The following CACNA1E variants were observed in gnomAD, a reference collection of about 807,000 sequenced individuals.
CACNA1E encodes the protein calcium voltage-gated channel subunit alpha1 E.
CACNA1E carries 40 observed loss-of-function variants against 259.2 expected under a neutral mutation model. The ratio of observed to expected loss-of-function variants is 0.15; its 90% CI spans 0.12 to 0.20. The LOEUF is 0.20. Ranked by LOEUF, CACNA1E falls within the 10% of genes least tolerant of loss-of-function variation. The pLI is 1.00. For missense variants in CACNA1E, 1,874 were observed against 3,040.1 expected (o/e 0.62, Z 9.02); for synonymous variants, 1,104 against 1,138.5 (o/e 0.97, Z 0.61).
intron 3 of CACNA1E, among the ~76,000 whole-genome samples, chr1:181,546,201 G>T (rs150293510): frequency 1.3e-5 from 2 of 152,150 alleles, no homozygotes; most frequent in African/African-American, 4.8e-5. Context: ...GCCTGGCAGC[G>T]TGTGCCATCC....
At chr1:181,705,221 G>T (rs980670256) in intron 7 of CACNA1E, among the ~76,000 whole-genome samples, 2 of 152,160 alleles carry the variant, frequency 1.3e-5, no homozygotes, top group Non-Finnish European at 2.9e-5. Flanking sequence ...AGAAGTCTCT[G>T]TCTTCTCTCC....
chr1:181,719,295 G>A (rs1478558202), intron 12 of CACNA1E, among the ~76,000 whole-genome samples: 3 of 152,166 alleles, frequency 2.0e-5, no homozygotes, highest in Non-Finnish European at 4.4e-5. Flanking sequence ...TCACATTGCG[G>A]GATGCAAGAC....
chr1:181,407,741 C>T (rs879891385), intron 1 of CACNA1E, among the ~76,000 whole-genome samples: 6 of 152,186 alleles, frequency 3.9e-5, no homozygotes, highest in Non-Finnish European at 7.3e-5. Flanking sequence ...AATGTTTCCT[C>T]TCAGAGTAGG....
At chr1:181,439,978 G>GTGGA (rs1571878516) in intron 2 of CACNA1E, among the ~76,000 whole-genome samples, 1 of 152,090 alleles carries the variant, frequency 6.6e-6, no homozygotes, top group East Asian at 1.9e-4. Flanking sequence ...AACAGAGCGT[G>GTGGA]GTATGTGGAG....
At chr1:181,480,642 T>A (rs2102450819), upstream of CACNA1E, among the ~76,000 whole-genome samples, 1 of 152,294 alleles carries the variant, frequency 6.6e-6, no homozygotes, top group East Asian at 1.9e-4. Context: ...AAGAACTAAG[T>A]CTGGGAAGTA....
intron 26 of CACNA1E, 43 bp from the exon 27 acceptor site, chr1:181,752,100 C>T: frequency 7.8e-7 from 1 of 1,287,406 alleles, no homozygotes; most frequent in Non-Finnish European, 1.1e-6. Flanking sequence ...ATTTTTATTT[C>T]TCCCCCATTC....
chr1:181,525,636 C>T (rs2102699087), intron 3 of CACNA1E, among the ~76,000 whole-genome samples: 1 of 152,294 alleles, frequency 6.6e-6, no homozygotes, highest in East Asian at 1.9e-4. Context: ...AGAGGGAAAA[C>T]CAACCTTTCC....
chr1:181,655,463 TAAAACTTTCATAA>T (rs1659131047), intron 7 of CACNA1E, among the ~76,000 whole-genome samples: 1 of 152,190 alleles, frequency 6.6e-6, no homozygotes, highest in Non-Finnish European at 1.5e-5. Flanking sequence ...GATAAGTTCT[TAAAACTTTCATAA>T]GGAAAATAAT....
chr1:181,514,344 C>T (rs554937368), intron 3 of CACNA1E, among the ~76,000 whole-genome samples: 33 of 152,288 alleles, frequency 2.2e-4, no homozygotes, highest in African/African-American at 7.9e-4. Context: ...ACATGTGATA[C>T]CAACCAGGGA....
intron 2 of CACNA1E, among the ~76,000 whole-genome samples, chr1:181,424,480 A>G (rs547044825): frequency 1.3e-5 from 2 of 152,332 alleles, no homozygotes; most frequent in East Asian, 1.9e-4. Flanking sequence ...TTTGAGAATA[A>G]ACAAGGTGGT....
rs553291151 is a variant in CACNA1E at position 181,715,535 on chromosome 1, A to G, written c.1225+144A>G. The G allele has an allele frequency of 1.3e-4, 82 of 620,668 alleles. 1 individual carries two copies. In the African/African-American group the frequency reaches 1.4e-3, roughly 11 times the overall value. The allele number at this position is 620,668 out of a possible 1,614,324, so 38.4% of individuals were successfully genotyped here. ...GAGTCTTTCTGTCATAAAATCCCTC[A>G]TGCTTTAAAATGAAGGGAATTGAGT... On this transcript the variant is annotated intron_variant, in intron 9 of 47. Coordinates refer to ENST00000367573, the MANE Select transcript of CACNA1E (RefSeq NM_001205293.3).
intron 6 of CACNA1E, among the ~76,000 whole-genome samples, chr1:181,618,077 C>T (rs1021936687): frequency 7.2e-5 from 11 of 152,234 alleles, no homozygotes; most frequent in Middle Eastern, 3.4e-3. Flanking sequence ...ACATTTAATT[C>T]GCCTACGGTG....
intron 1 of CACNA1E, among the ~76,000 whole-genome samples, chr1:181,404,173 T>C (rs76032235): frequency 6.6e-6 from 1 of 152,332 alleles, no homozygotes; most frequent in African/African-American, 2.4e-5. Context: ...TCCCCCAAAC[T>C]GTACGGACGG....
At chr1:181,785,683 C>G in intron 42 of CACNA1E, 30 bp from the exon 43 acceptor site, 67 of 1,416,340 alleles carry the variant, frequency 4.7e-5, no homozygotes, top group Non-Finnish European at 6.0e-5. Context: ...CATTGGAATT[C>G]TTTCCTTCTT....
At chr1:181,454,148 C>T (rs570921663) in intron 2 of CACNA1E, among the ~76,000 whole-genome samples, 1 of 152,226 alleles carries the variant, frequency 6.6e-6, no homozygotes, top group African/African-American at 2.4e-5. Context: ...CCAAGGGCTT[C>T]ATGGTGGGAT....
intron 7 of CACNA1E, among the ~76,000 whole-genome samples, chr1:181,699,710 G>A (rs1311947779): frequency 6.6e-6 from 1 of 152,156 alleles, no homozygotes; most frequent in Non-Finnish European, 1.5e-5. Context: ...GCAGGAGACA[G>A]CAGTAGCCTG....
At chr1:181,657,427 A>G (rs1161535262) in intron 7 of CACNA1E, among the ~76,000 whole-genome samples, 2 of 152,190 alleles carry the variant, frequency 1.3e-5, no homozygotes, top group Non-Finnish European at 2.9e-5. Context: ...TACCAGAAGA[A>G]ACAGGTAAAA....
intron 32 of CACNA1E, among the ~76,000 whole-genome samples, chr1:181,761,943 G>T (rs1015784074): frequency 2.6e-5 from 4 of 152,198 alleles, no homozygotes; most frequent in South Asian, 2.1e-4. Context: ...AGCAGAGAAA[G>T]AGTGGAAAGA....
intron 8 of CACNA1E, among the ~76,000 whole-genome samples, chr1:181,711,418 C>T (rs1453654409): frequency 1.3e-5 from 2 of 152,146 alleles, no homozygotes; most frequent in Non-Finnish European, 2.9e-5. Flanking sequence ...TTATTGAGTG[C>T]CTACTTTGTG....
Sources: allele counts gnomAD v4.1 joint callset (sites outside exome capture counted in the v4.1 genomes callset), GRCh38; gene constraint gnomAD v4.1.1; transcripts MANE v1.5; gene names NCBI Gene and HGNC (gene_info 2026-07-23, HGNC 2026-07-21).